The following VPS41 variants were observed in gnomAD, a reference collection of about 807,000 sequenced individuals.
VPS41 encodes the protein vacuolar protein sorting-associated protein 41 homolog.
Under a neutral mutation model 130.9 loss-of-function variants are expected in VPS41, and 85 were observed. That is an observed-to-expected ratio of 0.65 (90% CI 0.55 to 0.78). The LOEUF (loss-of-function observed/expected upper bound fraction) is 0.78, where lower values mean the gene tolerates loss of function less well. Among genes scored for constraint, VPS41 ranks in the 30% least tolerant of loss-of-function variants. The pLI is 0.00. For missense variants in VPS41, 874 were observed against 1,018.7 expected (o/e 0.86, Z 1.93); for synonymous variants, 335 against 332.9 (o/e 1.01, Z -0.07).
chr7:38,774,171 G>A lies in VPS41; in HGVS notation c.956C>T (p.Ser319Phe). Residue 319 changes from serine (S) to phenylalanine (F), a missense_variant, in exon 12 of 29, where the codon TCT becomes TTT. Ser to Phe is a radical substitution (Grantham distance 155). Coordinates refer to ENST00000310301, the MANE Select transcript of VPS41 (RefSeq NM_014396.4). Reference sequence around the variant, plus strand: ...AAAGCCTCTGACTGTCAAAGCATCAGAAGAGATCTCTTCACAAGTCTCAGA... The same window carrying A: ...AAAGCCTCTGACTGTCAAAGCATCAAAAGAGATCTCTTCACAAGTCTCAGA... ...PLSETCEEIS[S>F]DALTVRGFQE... The A allele has an allele frequency of 6.2e-7, 1 of 1,609,630 alleles. No homozygotes were observed. The highest frequency in any genetic ancestry group is 8.5e-7 in the Non-Finnish European group (1 of 1,176,746).
intron 2 of VPS41, among the ~76,000 whole-genome samples, chr7:38,879,032 T>A (rs934059931): frequency 6.6e-6 from 1 of 152,230 alleles, no homozygotes; most frequent in African/African-American, 2.4e-5. Flanking sequence ...GAACAAAACA[T>A]GGCTTCTGCC....
intron 10 of VPS41, among the ~76,000 whole-genome samples, chr7:38,782,796 C>T (rs535289582): frequency 2.3e-3 from 343 of 152,252 alleles, no homozygotes; most frequent in African/African-American, 8.0e-3. Context: ...GTCTCATAAT[C>T]TCTGAGGGTT....
intron 5 of VPS41, among the ~76,000 whole-genome samples, chr7:38,822,081 AAAGATT>A (rs1429918164): frequency 2.6e-5 from 4 of 152,224 alleles, no homozygotes; most frequent in African/African-American, 9.6e-5. Flanking sequence ...TACAGAAATG[AAAGATT>A]TAAGTTCCTG....
intron 25 of VPS41, among the ~76,000 whole-genome samples, chr7:38,731,532 C>A (rs376016722): frequency 6.6e-6 from 1 of 152,192 alleles, no homozygotes; most frequent in South Asian, 2.1e-4. Flanking sequence ...GACCTTCACA[C>A]TCATGATTTT....
chr7:38,833,161 C>T (rs1318512318), intron 4 of VPS41, among the ~76,000 whole-genome samples: 3 of 152,158 alleles, frequency 2.0e-5, no homozygotes, highest in Non-Finnish European at 2.9e-5. Flanking sequence ...TATTCAGACT[C>T]GGACCACATT....
At chr7:38,751,592 G>A (rs891511876) in intron 22 of VPS41, among the ~76,000 whole-genome samples, 1 of 152,126 alleles carries the variant, frequency 6.6e-6, no homozygotes, top group African/African-American at 2.4e-5. Flanking sequence ...TGTGTGGTGG[G>A]TACTAGATTT....
chr7:38,804,429 T>C (rs1168269366), intron 7 of VPS41, among the ~76,000 whole-genome samples: 1 of 152,192 alleles, frequency 6.6e-6, no homozygotes, highest in Non-Finnish European at 1.5e-5. Flanking sequence ...TGAGAACATG[T>C]GGTATTTGGT....
chr7:38,789,958 C>T (rs1048839616), intron 9 of VPS41, 91 bp from the exon 10 acceptor site: 2 of 1,288,462 alleles, frequency 1.6e-6, no homozygotes, highest in African/African-American at 1.5e-5. Flanking sequence ...GTTAAATTAA[C>T]CTTGTAGCAC....
chr7:38,748,203 C>CA (rs1257529958), intron 22 of VPS41, among the ~76,000 whole-genome samples: 1 of 152,090 alleles, frequency 6.6e-6, no homozygotes, highest in African/African-American at 2.4e-5. Flanking sequence ...AGTAGACACA[C>CA]ACAACACATG....
chr7:38,852,352 C>T (rs1320461234), intron 4 of VPS41, among the ~76,000 whole-genome samples: 1 of 152,180 alleles, frequency 6.6e-6, no homozygotes, highest in East Asian at 1.9e-4. Flanking sequence ...GACCCAGTCC[C>T]CAGCTCCGGG....
At position 38,765,650 on chromosome 7, in the gene VPS41, T is replaced by G. The variant is rs1784024972; in HGVS notation, c.1259A>C (p.Lys420Thr). Residue 420 changes from lysine to threonine, a missense_variant, in exon 16 of 29, where the codon AAA becomes ACA. Lys to Thr is a moderately conservative substitution (Grantham distance 78). Coordinates refer to ENST00000310301, the MANE Select transcript of VPS41 (RefSeq NM_014396.4). ...DYDIAARKCQ[K>T]ILGKNAALWE... ...GAGTGCTGCATTTTTCCCAAGAATT[T>G]TCTGGCATTTGCTGGCAGTAAAAAC... The G allele has an allele frequency of 1.9e-6, 3 of 1,598,582 alleles. No individual in the cohort carries two copies. Among genetic ancestry groups the G allele is most frequent in the South Asian group, 2.3e-5 (2 of 86,612 alleles).
intron 9 of VPS41, among the ~76,000 whole-genome samples, chr7:38,794,495 C>T (rs1784585725): frequency 6.6e-6 from 1 of 152,200 alleles, no homozygotes; most frequent in Admixed American, 6.5e-5. Context: ...ATTGCTAGAA[C>T]TTTATATAAT....
At chr7:38,882,096 T>C (rs1786621678) in intron 2 of VPS41, among the ~76,000 whole-genome samples, 1 of 151,878 alleles carries the variant, frequency 6.6e-6, no homozygotes, top group Admixed American at 6.6e-5. Context: ...CAACTCAATC[T>C]CTCCTGAGCT....
At chr7:38,765,926 G>C (rs1437536428) in intron 15 of VPS41, among the ~76,000 whole-genome samples, 1 of 152,172 alleles carries the variant, frequency 6.6e-6, no homozygotes, top group East Asian at 1.9e-4. Context: ...ACTATAACTA[G>C]GGGCTTTCCC....
intron 4 of VPS41, among the ~76,000 whole-genome samples, chr7:38,840,816 G>A (rs1464673010): frequency 6.6e-6 from 1 of 152,200 alleles, no homozygotes; most frequent in Admixed American, 6.5e-5. Flanking sequence ...TTAAAAGTGA[G>A]AAGAGAGGAC....
At chr7:38,877,659 C>T (rs922299191) in intron 2 of VPS41, among the ~76,000 whole-genome samples, 1 of 152,088 alleles carries the variant, frequency 6.6e-6, no homozygotes, top group African/African-American at 2.4e-5. Context: ...GCTAACCACC[C>T]CCACCAAAGC....
At chr7:38,879,499 A>AC (rs1174713446) in intron 2 of VPS41, among the ~76,000 whole-genome samples, 1 of 151,568 alleles carries the variant, frequency 6.6e-6, no homozygotes, top group African/African-American at 2.4e-5. Context: ...TTCAAATAAC[A>AC]GAAAAAAAAA....
At chr7:38,771,877 A>T (rs960806776) in intron 13 of VPS41, among the ~76,000 whole-genome samples, 1 of 152,146 alleles carries the variant, frequency 6.6e-6, no homozygotes. Context: ...CTGGACTTTA[A>T]ATAGTTTATA....
intron 5 of VPS41, among the ~76,000 whole-genome samples, chr7:38,822,845 A>T (rs1234370981): frequency 3.3e-5 from 5 of 152,234 alleles, no homozygotes; most frequent in African/African-American, 1.2e-4. Flanking sequence ...CCTAACCTCC[A>T]AAGTGATGGT....
Sources: allele counts gnomAD v4.1 joint callset (sites outside exome capture counted in the v4.1 genomes callset), GRCh38; gene constraint gnomAD v4.1.1; transcripts MANE v1.5; gene names NCBI Gene and HGNC (gene_info 2026-07-23, HGNC 2026-07-21).